Variants in HVCN1 observed in about 807,000 individuals in gnomAD.
HVCN1 encodes voltage-gated hydrogen channel 1.
In HVCN1, 14 loss-of-function variants were observed where a neutral mutation model predicts 29.2. The ratio of observed to expected loss-of-function variants is 0.48; its 90% CI spans 0.32 to 0.75. The LOEUF (loss-of-function observed/expected upper bound fraction) is 0.75, where lower values mean the gene tolerates loss of function less well. HVCN1 is among the 30% of genes least tolerant of loss of function. HVCN1 has a pLI of 0.04. For missense variants in HVCN1, 263 were observed against 341.8 expected (o/e 0.77, Z 1.82); for synonymous variants, 131 against 133.2 (o/e 0.98, Z 0.11).
intron 3 of HVCN1, among the ~76,000 whole-genome samples, chr12:110,668,224 G>A (rs2068438268): frequency 6.6e-6 from 1 of 152,096 alleles, no homozygotes; most frequent in Non-Finnish European, 1.5e-5. Flanking sequence ...AAACTCACCT[G>A]GGCATGGTGA....
intron 2 of HVCN1, among the ~76,000 whole-genome samples, chr12:110,699,249 C>T (rs960968335): frequency 2.0e-5 from 3 of 152,160 alleles, no homozygotes; most frequent in East Asian, 3.9e-4. Context: ...TTCGTGTTCT[C>T]GGCACACTCG....
At chr12:110,691,075 C>A (rs1327970909), upstream of HVCN1, among the ~76,000 whole-genome samples, 2 of 148,332 alleles carry the variant, frequency 1.3e-5, no homozygotes, top group Non-Finnish European at 3.0e-5. Flanking sequence ...TTTCTTTTTT[C>A]TTTTTGAGGT....
intron 2 of HVCN1, among the ~76,000 whole-genome samples, chr12:110,699,950 C>T (rs570406327): frequency 6.6e-6 from 1 of 151,902 alleles, no homozygotes; most frequent in African/African-American, 2.4e-5. Flanking sequence ...TCTGCCAGGC[C>T]TAAGGGCCTT....
rs1316456625 is a variant in HVCN1, at chr12:110,661,813, A to G, written c.22-365T>C. 2.6e-5 allele frequency among the ~76,000 whole-genome samples: 4 copies of G among 152,172 alleles called. No individual in the cohort carries two copies. Among genetic ancestry groups the G allele is most frequent in the African/African-American group, 9.7e-5 (4 of 41,444 alleles). Reference sequence around the variant, plus strand: ...TCACAACCTGGAAACTGGAGGGGCCAGTGGGCAGGGCGTGGGGAGGAGAAG... The same window carrying G: ...TCACAACCTGGAAACTGGAGGGGCCGGTGGGCAGGGCGTGGGGAGGAGAAG... On this transcript the variant is annotated intron_variant, in intron 3 of 7. Coordinates refer to ENST00000242607, the MANE Select transcript of HVCN1 (RefSeq NM_032369.4). This position sits in a 1 kb window ranked among gnomAD's most constrained non-coding sequence, Gnocchi z 6.2.
intron 7 of HVCN1, 54 bp downstream of exon 7, chr12:110,650,114 G>A (rs1400388370): frequency 1.6e-6 from 2 of 1,242,112 alleles, no homozygotes; most frequent in Middle Eastern, 1.9e-4. Context: ...CAAAGTGCTA[G>A]GATTACAGGC....
In HVCN1 at chr12:110,648,869, G is replaced by A; in HGVS notation, c.*541C>T. 1 of 378,776 alleles carries A rather than the reference G, an allele frequency of 2.6e-6. No individual in the cohort carries two copies. The highest frequency in any genetic ancestry group is 2.0e-5 in the South Asian group (1 of 50,986). 23.5% of individuals were successfully genotyped at this position (378,776 alleles called of 1,614,324 possible). A position where few individuals can be genotyped will look rare whatever the true frequency, so the allele number is the denominator to read the frequency against. On this transcript the variant is annotated 3_prime_UTR_variant, in exon 8 of 8. Transcript: ENST00000242607. ...AATTGAGGAAAAATGTTGTCAGGTG[G>A]CAGAAAACAATGGAGCCACCTAGAA...
chr12:110,675,978 T>C (rs2068740312), intron 3 of HVCN1, among the ~76,000 whole-genome samples: 1 of 152,166 alleles, frequency 6.6e-6, no homozygotes, highest in Non-Finnish European at 1.5e-5. Context: ...CTTACCTCCC[T>C]TAGCAGAGGA....
chr12:110,696,413 A>G (rs2069492163), intron 2 of HVCN1, among the ~76,000 whole-genome samples: 1 of 152,038 alleles, frequency 6.6e-6, no homozygotes, highest in Non-Finnish European at 1.5e-5. Context: ...CATTATCTCA[A>G]AAGGAAACAC....
rs1000743230 is a variant in HVCN1 at position 110,649,028 on chromosome 12, TTTTC to T, written c.*378_*381del. 1.4e-5 allele frequency: 7 copies of T among 487,550 alleles called. No individual in the cohort carries two copies. Among genetic ancestry groups the T allele is most frequent in the African/African-American group, 3.9e-5 (2 of 50,930 alleles). The allele number at this position is 487,550 out of a possible 1,614,324, so 30.2% of individuals were successfully genotyped here. A position where few individuals can be genotyped will look rare whatever the true frequency, so the allele number is the denominator to read the frequency against. On this transcript the variant is annotated 3_prime_UTR_variant, in exon 8 of 8. Coordinates refer to ENST00000242607, the MANE Select transcript of HVCN1 (RefSeq NM_032369.4). Reference sequence around the variant, plus strand: ...TGGGGTGGCAGCTAAAGTAGCTTCTTTTTCTTTCTTTCAGAATGCTCAGATGCAT... The same window carrying T: ...TGGGGTGGCAGCTAAAGTAGCTTCTTTTTCTTTCAGAATGCTCAGATGCAT...
At chr12:110,696,959 T>C (rs1301126400) in intron 2 of HVCN1, among the ~76,000 whole-genome samples, 1 of 149,298 alleles carries the variant, frequency 6.7e-6, no homozygotes, top group Non-Finnish European at 1.5e-5. Context: ...CGGTTGGGAG[T>C]AGGGAAGGAA....
intron 7 of HVCN1, 49 bp from the exon 8 acceptor site, chr12:110,649,524 G>T: frequency 7.2e-7 from 1 of 1,382,132 alleles, no homozygotes; most frequent in Non-Finnish European, 1.0e-6. Flanking sequence ...GCCTCGCCAG[G>T]GATGTGACAA....
chr12:110,701,124 C>T (rs908132577), intron 2 of HVCN1, among the ~76,000 whole-genome samples: 4 of 151,064 alleles, frequency 2.6e-5, no homozygotes, highest in South Asian at 2.1e-4. Context: ...TATCCAGCTG[C>T]GCCCAGTGCT....
intron 6 of HVCN1, among the ~76,000 whole-genome samples, chr12:110,650,880 G>C (rs897796746): frequency 1.3e-4 from 20 of 151,878 alleles, no homozygotes; most frequent in Admixed American, 5.3e-4. Flanking sequence ...TTTTTGTTTT[G>C]TAGAGATGGG....
At chr12:110,690,329 C>T (rs2069375524), upstream of HVCN1, among the ~76,000 whole-genome samples, 1 of 152,190 alleles carries the variant, frequency 6.6e-6, no homozygotes, top group South Asian at 2.1e-4. Context: ...TGTGCAAAGT[C>T]CCCTTTGCCA....
At chr12:110,670,970 T>C (rs1398809887) in intron 3 of HVCN1, among the ~76,000 whole-genome samples, 1 of 152,096 alleles carries the variant, frequency 6.6e-6, no homozygotes, top group East Asian at 1.9e-4. Flanking sequence ...GGTGGGTGGA[T>C]CACTTGAGGT....
At chr12:110,651,179 T>TA in intron 6 of HVCN1, 38 bp downstream of exon 6, 1 of 1,479,150 alleles carries the variant, frequency 6.8e-7, no homozygotes, top group Non-Finnish European at 9.4e-7. Context: ...CCTGGGCCCC[T>TA]ACTCTCCATC....
chr12:110,703,227 A>T (rs1263433207), intron 1 of HVCN1, among the ~76,000 whole-genome samples: 1 of 150,824 alleles, frequency 6.6e-6, no homozygotes, highest in Non-Finnish European at 1.5e-5. Context: ...AAAAAAAAAA[A>T]AAATTAAAAA....
At chr12:110,699,259 G>A (rs762254286) in intron 2 of HVCN1, among the ~76,000 whole-genome samples, 10 of 152,172 alleles carry the variant, frequency 6.6e-5, no homozygotes, top group African/African-American at 9.7e-5. Flanking sequence ...CGGCACACTC[G>A]CTGGGTCCCT....
At chr12:110,660,454 C>T (rs570275058) in intron 4 of HVCN1, among the ~76,000 whole-genome samples, 86 of 152,328 alleles carry the variant, frequency 5.6e-4, no homozygotes, top group Non-Finnish European at 9.8e-4. Flanking sequence ...AGGCCCCCAG[C>T]GTGATGGGTC....
Sources: allele counts gnomAD v4.1 joint callset (sites outside exome capture counted in the v4.1 genomes callset), GRCh38; gene constraint gnomAD v4.1.1; non-coding constraint Gnocchi (gnomAD v3.1); transcripts MANE v1.5; gene names NCBI Gene and HGNC (gene_info 2026-07-23, HGNC 2026-07-21).